The following AXDND1 variants were observed in gnomAD, a reference collection of about 807,000 sequenced individuals.
AXDND1 encodes axonemal dynein light chain domain-containing protein 1.
Under a neutral mutation model 137.5 loss-of-function variants are expected in AXDND1, and 110 were observed. The ratio of observed to expected loss-of-function variants is 0.80; its 90% CI spans 0.69 to 0.94. The LOEUF (loss-of-function observed/expected upper bound fraction) is 0.94. AXDND1 is among the 40% of genes least tolerant of loss of function. The pLI, the probability that AXDND1 is intolerant of heterozygous loss-of-function variation, is 0.00. For synonymous variants in AXDND1, 414 were observed against 399.7 expected, an observed-to-expected ratio of 1.04 and a Z score of -0.43; for missense variants, 1,191 against 1,169.8, an observed-to-expected ratio of 1.02 and a Z score of -0.26.
In AXDND1 at chr1:179,393,992, G is replaced by C; in HGVS notation, c.953G>C (p.Arg318Pro). Residue 318 changes from arginine (R) to proline (P), a missense_variant, in exon 10 of 26, where the codon CGC becomes CCC. Transcript: ENST00000367618. ...DLVTQRVMDQ[R>P]ILEELYNFKH... is the part of the protein sequence containing the mutation. ...GTAACTCAGCGAGTGATGGACCAGC[G>C]CATTTTAGAAGAATTGTATAATTTC... is the stretch of plus-strand genomic sequence containing the variant. The C allele has an allele frequency of 2.5e-6, 4 of 1,610,126 alleles. No homozygotes were observed. Among genetic ancestry groups the C allele is most frequent in the Non-Finnish European group, 3.4e-6 (4 of 1,178,596 alleles).
chr1:179,484,691 A>C (rs184733865), intron 18 of AXDND1, among the ~76,000 whole-genome samples: 1 of 152,042 alleles, frequency 6.6e-6, no homozygotes. Flanking sequence ...CACCCCCTAC[A>C]TTGCTTTGCT....
chr1:179,446,062 G>A (rs1336423831), intron 16 of AXDND1, among the ~76,000 whole-genome samples: 1 of 152,068 alleles, frequency 6.6e-6, no homozygotes, highest in Non-Finnish European at 1.5e-5. Context: ...TCTCACTGTG[G>A]TTTTGATTTG....
At chr1:179,389,975 A>G (rs1247359472) in intron 9 of AXDND1, among the ~76,000 whole-genome samples, 1 of 151,990 alleles carries the variant, frequency 6.6e-6, no homozygotes, top group Admixed American at 6.6e-5. Flanking sequence ...CAGACATATT[A>G]CAAATCTAGG....
intron 23 of AXDND1, among the ~76,000 whole-genome samples, chr1:179,529,544 C>T (rs1208488966): frequency 6.6e-6 from 1 of 152,130 alleles, no homozygotes; most frequent in Non-Finnish European, 1.5e-5. Context: ...AAACAGGTTA[C>T]CTTGGTGAAT....
At chr1:179,547,048 C>T (rs1386482913) in intron 25 of AXDND1, among the ~76,000 whole-genome samples, 2 of 152,220 alleles carry the variant, frequency 1.3e-5, no homozygotes, top group Non-Finnish European at 2.9e-5. Context: ...CTTTTAAAGC[C>T]TGCTGGAAAT....
At position 179,509,291 on chromosome 1, in the gene AXDND1, C is replaced by T; in HGVS notation, c.2389-5C>T. The T allele has an allele frequency of 6.3e-7, 1 of 1,589,054 alleles. No homozygotes were observed. The highest frequency in any genetic ancestry group is 2.2e-5 in the East Asian group (1 of 44,676). On this transcript the variant is annotated splice_region_variant and splice_polypyrimidine_tract_variant and intron_variant, in intron 20 of 25. Transcript: ENST00000367618. ...TTCTGCTTGTAATCTTTTATCTCTT[C>T]TCAGAAAGAATGTTATGAATGGATC... is the stretch of plus-strand genomic sequence containing the variant.
At chr1:179,549,547 A>C (rs557201630) in intron 25 of AXDND1, among the ~76,000 whole-genome samples, 5 of 152,158 alleles carry the variant, frequency 3.3e-5, no homozygotes, top group Admixed American at 1.3e-4. Context: ...ATAAGGAAGT[A>C]TGAAGAGTCA....
chr1:179,531,852 C>A (rs1671066146), intron 23 of AXDND1, among the ~76,000 whole-genome samples: 2 of 152,134 alleles, frequency 1.3e-5, no homozygotes, highest in Admixed American at 6.5e-5. Flanking sequence ...GAAGCTACAG[C>A]ACATAGGCAC....
chr1:179,548,495 A>G (rs560467371), intron 25 of AXDND1, among the ~76,000 whole-genome samples: 1 of 152,286 alleles, frequency 6.6e-6, no homozygotes, highest in African/African-American at 2.4e-5. Flanking sequence ...CCAAGCCCAG[A>G]AGAAGCCGTT....
intron 9 of AXDND1, among the ~76,000 whole-genome samples, chr1:179,388,833 C>T (rs1227799659): frequency 2.0e-5 from 3 of 151,232 alleles, no homozygotes; most frequent in South Asian, 2.1e-4. Flanking sequence ...TGGCCTCAAG[C>T]GATCCGCCCA....
rs780944707 is a variant in AXDND1 at position 179,398,313 on chromosome 1, T to C, written c.1109+3111T>C. On this transcript the variant is annotated intron_variant, in intron 11 of 25. Transcript: ENST00000367618. ...GTACTCCAACTCTGGGGGACTTGTA[T>C]TGGGACCAGCTTTGTTCTCTGCTCC... Among the ~76,000 whole-genome samples, 44 of 152,174 alleles carry C rather than the reference T, an allele frequency of 2.9e-4. 1 individual carries two copies. Among genetic ancestry groups the C allele is most frequent in the Admixed American group, 1.7e-3 (26 of 15,270 alleles).
intron 15 of AXDND1, among the ~76,000 whole-genome samples, chr1:179,437,462 G>T (rs917088087): frequency 5.3e-5 from 8 of 152,176 alleles, no homozygotes; most frequent in Non-Finnish European, 1.2e-4. Flanking sequence ...GGCAGGCGCA[G>T]TGTGAGTTTG....
intron 17 of AXDND1, among the ~76,000 whole-genome samples, chr1:179,477,817 T>A (rs1372910732): frequency 6.6e-6 from 1 of 152,130 alleles, no homozygotes; most frequent in African/African-American, 2.4e-5. Context: ...ACAAGGCAAG[T>A]TTCTTCCACC....
chr1:179,436,139 A>G (rs969862924), intron 15 of AXDND1, among the ~76,000 whole-genome samples: 6 of 152,236 alleles, frequency 3.9e-5, no homozygotes, highest in Non-Finnish European at 8.8e-5. Context: ...CAAAACCACA[A>G]TGAGATACAT....
intron 17 of AXDND1, among the ~76,000 whole-genome samples, chr1:179,479,043 T>C (rs146538686): frequency 0.024 from 3,695 of 152,022 alleles, 163 homozygotes; most frequent in African/African-American, 0.084. Flanking sequence ...GAGGCTGCAG[T>C]GAGCCAAGAT....
chr1:179,522,199 A>C (rs1359502094), intron 21 of AXDND1, among the ~76,000 whole-genome samples: 2 of 152,028 alleles, frequency 1.3e-5, no homozygotes, highest in Non-Finnish European at 2.9e-5. Flanking sequence ...TCTGCATTGC[A>C]TCCTGAATAA....
intron 12 of AXDND1, among the ~76,000 whole-genome samples, chr1:179,421,626 C>T (rs1336354433): frequency 1.3e-5 from 2 of 151,472 alleles, no homozygotes; most frequent in Non-Finnish European, 1.5e-5. Context: ...TAAAGTGATC[C>T]ACCTGCCTCG....
intron 4 of AXDND1, among the ~76,000 whole-genome samples, chr1:179,376,771 A>G (rs573084627): frequency 6.6e-6 from 1 of 152,254 alleles, no homozygotes; most frequent in Admixed American, 6.5e-5. Context: ...CCCCAATGGT[A>G]GGGACTGTGT....
At chr1:179,457,040 C>G (rs1326486797) in intron 16 of AXDND1, 2 of 1,511,248 alleles carry the variant, frequency 1.3e-6, no homozygotes, top group East Asian at 2.3e-5. Context: ...TAAGTGGGCA[C>G]CTGGTCTTTG....
Sources: gnomAD v4.1 joint callset for allele counts (sites outside exome capture counted in the v4.1 genomes callset) on GRCh38, gnomAD v4.1.1 for gene constraint, MANE v1.5 for transcripts, NCBI Gene and HGNC (gene_info 2026-07-23, HGNC 2026-07-21) for gene names.